Variants in MYOF observed in about 807,000 individuals in gnomAD.
The protein encoded by MYOF is fer-1-like 3, myoferlin.
A neutral mutation model predicts 284.2 loss-of-function variants in MYOF; 244 were observed. That is an observed-to-expected ratio of 0.86 (90% confidence interval 0.77 to 0.95). The LOEUF (loss-of-function observed/expected upper bound fraction) is 0.95. Among genes scored for constraint, MYOF ranks in the 40% least tolerant of loss-of-function variants. The pLI is 0.00. For missense variants in MYOF, 2,496 were observed against 2,560.6 expected (o/e 0.97, Z 0.54); for synonymous variants, 904 against 919.7 (o/e 0.98, Z 0.31).
chr10:93,319,751 T>C (rs1842771546), intron 49 of MYOF, 121 bp downstream of exon 49: 1 of 1,361,586 alleles, frequency 7.3e-7, no homozygotes, highest in East Asian at 2.3e-5. Flanking sequence ...TCCCCATCTC[T>C]GCTGAGAAGG....
chr10:93,411,154 T>C (rs1007160569), intron 5 of MYOF, among the ~76,000 whole-genome samples: 2 of 152,248 alleles, frequency 1.3e-5, no homozygotes, highest in Admixed American at 6.5e-5. Context: ...TGCTGTGTAA[T>C]CAGTTTTGGT....
chr10:93,322,113 C>T (rs1842867108), intron 48 of MYOF, among the ~76,000 whole-genome samples: 1 of 152,018 alleles, frequency 6.6e-6, no homozygotes, highest in Admixed American at 6.6e-5. Flanking sequence ...TAATGAAGAA[C>T]TTGATGAAAC....
At chr10:93,391,353 G>A (rs918006744) in intron 17 of MYOF, among the ~76,000 whole-genome samples, 2 of 152,154 alleles carry the variant, frequency 1.3e-5, no homozygotes, top group Non-Finnish European at 1.5e-5. Context: ...TACTTTGGGA[G>A]GCTGAGGCAG....
intron 3 of MYOF, among the ~76,000 whole-genome samples, chr10:93,435,216 C>T (rs1849064696): frequency 6.6e-6 from 1 of 152,190 alleles, no homozygotes. Context: ...GTCAAAATGA[C>T]CTGAATCTCT....
At chr10:93,344,726 T>TAAAAAAAAA (rs3081452) in intron 37 of MYOF, among the ~76,000 whole-genome samples, 5 of 76,230 alleles carry the variant, frequency 6.6e-5, no homozygotes, top group Non-Finnish European at 1.0e-4. Context: ...GAACTTAAAT[T>TAAAAAAAAA]AAAAAAAAAA....
intron 1 of MYOF, among the ~76,000 whole-genome samples, chr10:93,470,895 C>T (rs1366756596): frequency 6.6e-6 from 1 of 152,006 alleles, no homozygotes; most frequent in Non-Finnish European, 1.5e-5. Flanking sequence ...GAAGGAGCTG[C>T]TAAACATAGG....
chr10:93,379,299 C>G (rs1302835022), intron 21 of MYOF, among the ~76,000 whole-genome samples: 4 of 152,114 alleles, frequency 2.6e-5, no homozygotes, highest in Non-Finnish European at 5.9e-5. Flanking sequence ...ATGAACCATT[C>G]TCTCTACACA....
chr10:93,342,864 T>C (rs1303723799), intron 38 of MYOF, among the ~76,000 whole-genome samples: 2 of 152,300 alleles, frequency 1.3e-5, no homozygotes, highest in South Asian at 4.1e-4. Context: ...TTAGGGATAT[T>C]TGGGGTGGTT....
chr10:93,471,171 C>A (rs1044045886), intron 1 of MYOF, among the ~76,000 whole-genome samples: 4 of 152,130 alleles, frequency 2.6e-5, no homozygotes, highest in Non-Finnish European at 5.9e-5. Context: ...CTAGTCTCCA[C>A]TAATAAAATG....
intron 24 of MYOF, among the ~76,000 whole-genome samples, chr10:93,370,249 TC>T (rs1459529698): frequency 1.3e-5 from 2 of 151,568 alleles, no homozygotes; most frequent in Non-Finnish European, 2.9e-5. Flanking sequence ...GAATTATCTT[TC>T]CCTTTTTATG....
Position 93,425,943 on chromosome 10 carries a change from G to A in MYOF, c.433+128C>T, listed in dbSNP as rs1032786554. On this transcript the variant is annotated intron_variant, in intron 5 of 53. Transcript: ENST00000359263. The stretch of plus-strand genomic sequence containing the variant: ...TCAGGCAGCCCCACCTGCCTCTCGG[G>A]GCCCCTGTCTGGGTGGGCAGGGAGC... The A allele has an allele frequency of 6.4e-5, 59 of 921,042 alleles. No homozygotes were observed. In the South Asian group the frequency reaches 9.0e-4, roughly 14 times the overall value. 57.1% of individuals were successfully genotyped at this position (921,042 alleles called of 1,614,324 possible).
intron 45 of MYOF, among the ~76,000 whole-genome samples, chr10:93,328,135 G>T: frequency 6.6e-6 from 1 of 152,122 alleles, no homozygotes; most frequent in Non-Finnish European, 1.5e-5. Flanking sequence ...TTCTTCCTGT[G>T]CACGTTTGTT....
At chr10:93,374,303 C>A (rs1845735243) in intron 23 of MYOF, among the ~76,000 whole-genome samples, 1 of 152,172 alleles carries the variant, frequency 6.6e-6, no homozygotes, top group Non-Finnish European at 1.5e-5. Flanking sequence ...AAAATCTTCA[C>A]ACAACAAAGC....
At chr10:93,474,287 A>G (rs2057212845) in intron 1 of MYOF, among the ~76,000 whole-genome samples, 1 of 152,022 alleles carries the variant, frequency 6.6e-6, no homozygotes, top group African/African-American at 2.4e-5. Context: ...GCGGCTCCCC[A>G]ATGGTTGATG....
intron 53 of MYOF, among the ~76,000 whole-genome samples, chr10:93,307,625 ATTT>A (rs141377552): frequency 7.8e-6 from 1 of 128,608 alleles, no homozygotes; most frequent in African/African-American, 3.0e-5. Context: ...AACCAATAGA[ATTT>A]TTTTTTTTTT....
intron 4 of MYOF, among the ~76,000 whole-genome samples, chr10:93,429,850 C>T (rs1038992533): frequency 1.6e-4 from 25 of 151,840 alleles, no homozygotes; most frequent in African/African-American, 5.8e-4. Flanking sequence ...ACTTGCGACA[C>T]TTGAGTCATT....
chr10:93,409,944 C>G (rs1007497470), intron 5 of MYOF, among the ~76,000 whole-genome samples: 5 of 152,168 alleles, frequency 3.3e-5, no homozygotes, highest in Non-Finnish European at 7.3e-5. Flanking sequence ...CACAGTACAT[C>G]GGGGCTGTTG....
intron 30 of MYOF, 60 bp from the exon 31 acceptor site, chr10:93,355,796 A>G (rs1272632430): frequency 1.3e-5 from 16 of 1,259,158 alleles, no homozygotes; most frequent in Non-Finnish European, 1.8e-5. Context: ...CTAAAAGCAA[A>G]TCAACCAACC....
chr10:93,335,127 A>G (rs1253621747), intron 41 of MYOF, among the ~76,000 whole-genome samples: 1 of 152,158 alleles, frequency 6.6e-6, no homozygotes, highest in Non-Finnish European at 1.5e-5. Context: ...TGACAAAGAG[A>G]GTGACATTTG....
Sources: allele counts gnomAD v4.1 joint callset (sites outside exome capture counted in the v4.1 genomes callset), GRCh38; gene constraint gnomAD v4.1.1; transcripts MANE v1.5; gene names NCBI Gene and HGNC (gene_info 2026-07-23, HGNC 2026-07-21).